Variants in EEF1D observed in about 807,000 individuals in gnomAD.
EEF1D encodes the protein elongation factor 1-delta.
EEF1D carries 47 observed loss-of-function variants against 63.9 expected under a neutral mutation model. The ratio of observed to expected loss-of-function variants is 0.74; its 90% CI spans 0.58 to 0.94. The LOEUF (loss-of-function observed/expected upper bound fraction) is 0.94, where lower values mean the gene tolerates loss of function less well. EEF1D is among the 40% of genes least tolerant of loss of function. The pLI is 0.00. For missense variants in EEF1D, 907 were observed against 899.0 expected (o/e 1.01, Z -0.11); for synonymous variants, 412 against 386.1 (o/e 1.07, Z -0.79).
At chr8:143,593,688 C>A (rs541468732) in intron 1 of EEF1D, among the ~76,000 whole-genome samples, 1 of 152,248 alleles carries the variant, frequency 6.6e-6, no homozygotes, top group East Asian at 1.9e-4. Flanking sequence ...GGCTTCCCTG[C>A]AGAGAGGAAG....
chr8:143,584,863 C>T (rs1464885170), intron 5 of EEF1D, among the ~76,000 whole-genome samples: 1 of 152,152 alleles, frequency 6.6e-6, no homozygotes, highest in African/African-American at 2.4e-5. Context: ...GCCCTGTTTC[C>T]TTCTTCTTTT....
In EEF1D at chr8:143,590,045, C is replaced by G; in HGVS notation, c.37G>C (p.Val13Leu). ...SGKASCTLET[V>L]WEDKHKYEEA... ...TCATACTTGTGCTTGTCTTCCCACA[C>G]GGTCTCCAGGGTGCAGGAGGCCTTC... is the stretch of plus-strand genomic sequence containing the variant. Residue 13 changes from valine to leucine, a missense_variant, in exon 3 of 10, where the codon GTG becomes CTG. Val to Leu is a conservative substitution (Grantham distance 32). Coordinates refer to ENST00000618139, the MANE Select transcript of EEF1D (RefSeq NM_001130053.5). The G allele has an allele frequency of 6.3e-7, 1 of 1,598,976 alleles. No homozygotes were observed. The highest frequency in any genetic ancestry group is 8.5e-7 in the Non-Finnish European group (1 of 1,179,862).
In EEF1D at chr8:143,586,338, G is replaced by T. The variant is rs761658589; in HGVS notation, c.1216-48C>A. The T allele has an allele frequency of 9.2e-5, 134 of 1,452,826 alleles. 1 individual carries two copies. The highest frequency in any genetic ancestry group is 1.5e-5 in the Non-Finnish European group (16 of 1,090,080). The allele number at this position is 1,452,826 out of a possible 1,614,324, so 90.0% of individuals were successfully genotyped here. ...CAGTCTTTTTTTTATTATTAAAAAAGAATTTAATTAAAAAACAAACCAAAA... is the reference window on the plus strand; with the variant it reads ...CAGTCTTTTTTTTATTATTAAAAAATAATTTAATTAAAAAACAAACCAAAA... On this transcript the variant is annotated intron_variant, in intron 4 of 9. Transcript: ENST00000618139.
Position 143,580,066 on chromosome 8 carries a change from G to T in EEF1D, c.1851C>A (p.Asp617Glu), listed in dbSNP as rs142515892. The T allele has an allele frequency of 2.5e-6, 4 of 1,613,922 alleles. No individual in the cohort carries two copies. In the East Asian group the frequency reaches 8.9e-5, roughly 36 times the overall value. ...RKLQIQCVVE[D>E]DKVGTDLLEE... ...CCAGCAAGTCTGTCCCCACCTTGTCGTCCTCCACCACACACTGAATCTGTA... is the reference window on the plus strand; with the variant it reads ...CCAGCAAGTCTGTCCCCACCTTGTCTTCCTCCACCACACACTGAATCTGTA... The change falls in exon 9 of 10, where the codon GAC (aspartate) becomes GAA (glutamate). Residue 617 changes from aspartate (D) to glutamate (E), a missense_variant. Asp to Glu is a conservative substitution (Grantham distance 45, BLOSUM62 2). Transcript: ENST00000618139.
At chr8:143,587,060 G>A in intron 3 of EEF1D, 1 of 562,420 alleles carries the variant, frequency 1.8e-6, no homozygotes, top group Non-Finnish European at 3.0e-6. Context: ...TGTGGTCCGA[G>A]AACCTCTGAG....
chr8:143,583,474 T>A (rs1016552000), intron 5 of EEF1D: 1 of 152,244 alleles, frequency 6.6e-6, no homozygotes, highest in Non-Finnish European at 1.5e-5. Context: ...GGCACTGGAG[T>A]GCAATATGCC....
chr8:143,590,761 G>A (rs1474014508), intron 2 of EEF1D: 1 of 182,626 alleles, frequency 5.5e-6, no homozygotes, highest in Non-Finnish European at 1.0e-5. Flanking sequence ...ATAAAAATTA[G>A]CCGGGCGTGG....
intron 5 of EEF1D, among the ~76,000 whole-genome samples, chr8:143,584,474 G>A: frequency 6.6e-6 from 1 of 152,112 alleles, no homozygotes; most frequent in East Asian, 1.9e-4. Context: ...GGCTGACACA[G>A]GAGAATCGCT....
intron 3 of EEF1D, among the ~76,000 whole-genome samples, chr8:143,588,411 C>T (rs1827139004): frequency 6.6e-6 from 1 of 152,262 alleles, no homozygotes; most frequent in Non-Finnish European, 1.5e-5. Flanking sequence ...AGCAAGCCCA[C>T]AGCACCCAGA....
At position 143,580,046 on chromosome 8, in the gene EEF1D, A is replaced by C; in HGVS notation, c.1871T>G (p.Leu624Trp). 1 of 1,613,876 alleles carries C rather than the reference A, an allele frequency of 6.2e-7. No homozygotes were observed. Residue 624 changes from leucine (L) to tryptophan (W), a missense_variant, in exon 9 of 10, where the codon TTG (leucine) becomes TGG (tryptophan). Coordinates refer to ENST00000618139, the MANE Select transcript of EEF1D (RefSeq NM_001130053.5). ...VVEDDKVGTDLLEEEITKFEE... is the reference protein window; with the variant it reads ...VVEDDKVGTDWLEEEITKFEE... ...AAACTTGGTGATCTCCTCCTCCAGC[A>C]AGTCTGTCCCCACCTTGTCGTCCTC...
At position 143,592,031 on chromosome 8, in the gene EEF1D, T is replaced by G. The variant is rs1336090047; in HGVS notation, c.-1+616A>C. The G allele has an allele frequency of 9.1e-6, 9 of 985,322 alleles. No individual in the cohort carries two copies. The South Asian group carries it at 3.8e-4, about 41-fold the overall frequency. 61.0% of individuals were successfully genotyped at this position (985,322 alleles called of 1,614,324 possible). ...GGCCCATGGGAGGCCACAGGGCCCA[T>G]GAAGACGCTCCCTAGGCTCCCCTGC... On this transcript the variant is annotated intron_variant, in intron 2 of 9. Transcript: ENST00000618139.
chr8:143,580,875 G>A, intron 7 of EEF1D, 148 bp from the exon 8 acceptor site: 1 of 1,165,084 alleles, frequency 8.6e-7, no homozygotes. Context: ...AGGGCCCCAG[G>A]AAAGACAAAA....
chr8:143,586,713 C>T lies in EEF1D; in HGVS notation c.1215+16G>A, dbSNP rs367772908. 1.2e-5 allele frequency: 20 copies of T among 1,610,964 alleles called. No homozygotes were observed. Among genetic ancestry groups the T allele is most frequent in the East Asian group, 8.9e-5 (4 of 44,876 alleles). ...GGGCAGCAGAGCCGCCCAGCCGCCC[C>T]ACGTGCAGCTCTCACCTGGCGGGAG... On this transcript the variant is annotated intron_variant, in intron 4 of 9. Coordinates refer to ENST00000618139, the MANE Select transcript of EEF1D (RefSeq NM_001130053.5).
rs887084983 is a variant in EEF1D at position 143,580,510 on chromosome 8, T to C, written c.1706A>G (p.Lys569Arg). 1 of 1,611,884 alleles carries C rather than the reference T, an allele frequency of 6.2e-7. No individual in the cohort carries two copies. The highest frequency in any genetic ancestry group is 8.5e-7 in the Non-Finnish European group (1 of 1,179,290). Reference sequence around the variant, plus strand: ...AGCCCCACCCCGCCCACTCACAGGCTTGACATCCAGCAGGATGGAGGACTT... The same window carrying C: ...AGCCCCACCCCGCCCACTCACAGGCCTGACATCCAGCAGGATGGAGGACTT... ...VAKSSILLDV[K>R]PWDDETDMAQ... The change falls in exon 8 of 10, where the codon AAG becomes AGG. Residue 569 changes from lysine (K) to arginine (R), a missense_variant. Physicochemically the swap from Lys to Arg is conservative, Grantham distance 26. Coordinates refer to ENST00000618139, the MANE Select transcript of EEF1D (RefSeq NM_001130053.5).
intron 1 of EEF1D, among the ~76,000 whole-genome samples, chr8:143,594,933 T>C (rs60390250): frequency 0.2 from 30,936 of 151,984 alleles, 3,365 homozygotes; most frequent in Middle Eastern, 0.27. Context: ...TGAGACGGAG[T>C]CTCACTCTGT....
intron 1 of EEF1D, chr8:143,596,908 C>T (rs1828929729): frequency 1.3e-5 from 2 of 152,364 alleles, no homozygotes; most frequent in Admixed American, 1.3e-4. Context: ...GTGTTGCGTC[C>T]GTGCCTATCC....
At chr8:143,585,232 G>A (rs1000483257) in intron 5 of EEF1D, among the ~76,000 whole-genome samples, 4 of 152,154 alleles carry the variant, frequency 2.6e-5, no homozygotes, top group African/African-American at 7.2e-5. Context: ...GGGATCCTGG[G>A]GGCCCAAAGC....
At chr8:143,587,254 T>TA (rs548705673) in intron 3 of EEF1D, 3,006 of 152,476 alleles carry the variant, frequency 0.02, 58 homozygotes, top group Admixed American at 0.064. Context: ...GTATTTCTCA[T>TA]AAAAAAAAAA....
intron 2 of EEF1D, chr8:143,590,565 G>A: frequency 2.7e-6 from 3 of 1,097,932 alleles, no homozygotes; most frequent in Non-Finnish European, 3.3e-6. Flanking sequence ...TGGCTGTCCT[G>A]GCCACACCAC....
Sources: gnomAD v4.1 joint callset for allele counts (sites outside exome capture counted in the v4.1 genomes callset) on GRCh38, gnomAD v4.1.1 for gene constraint, MANE v1.5 for transcripts, NCBI Gene and HGNC (gene_info 2026-07-23, HGNC 2026-07-21) for gene names.